The following SLC14A2 variants were observed in gnomAD, a reference collection of about 807,000 sequenced individuals.
The protein encoded by SLC14A2 is solute carrier family 14 member 2.
A neutral mutation model predicts 104.6 loss-of-function variants in SLC14A2; 91 were observed. The observed-to-expected ratio is 0.87, with a 90% CI of 0.73 to 1.04. The LOEUF (loss-of-function observed/expected upper bound fraction) is 1.04. Ranked by LOEUF, SLC14A2 falls within the 50% of genes least tolerant of loss-of-function variation. SLC14A2 has a pLI of 0.00. For synonymous variants in SLC14A2, 476 were observed against 466.4 expected (o/e 1.02, Z -0.27); for missense variants, 1,189 against 1,156.0 (o/e 1.03, Z -0.41).
At chr18:45,187,839 T>C in the SLC14A2 span, among the ~76,000 whole-genome samples, 2 of 152,228 alleles carry the variant, frequency 1.3e-5, no homozygotes, top group African/African-American at 2.4e-5. Context: ...AAAATGTTTA[T>C]CTTTGTGAAA....
At chr18:45,237,616 C>A (rs2084268995) in intron 1 of SLC14A2, among the ~76,000 whole-genome samples, 1 of 152,198 alleles carries the variant, frequency 6.6e-6, no homozygotes, top group Non-Finnish European at 1.5e-5. Context: ...TTGGCTGGTT[C>A]CCATCTAATT....
chr18:45,538,746 A>G (rs2043837014), intron 2 of SLC14A2, among the ~76,000 whole-genome samples: 1 of 152,142 alleles, frequency 6.6e-6, no homozygotes, highest in African/African-American at 2.4e-5. Flanking sequence ...CAGGAAACTG[A>G]ATACCAGCAG....
chr18:45,279,074 AG>A (rs1326743285), intron 1 of SLC14A2, among the ~76,000 whole-genome samples: 2 of 152,216 alleles, frequency 1.3e-5, no homozygotes, highest in African/African-American at 2.4e-5. Flanking sequence ...ATGCTGGCCC[AG>A]GGCCTGGTTC....
chr18:45,505,821 GT>G (rs2043274929), intron 2 of SLC14A2, among the ~76,000 whole-genome samples: 1 of 152,130 alleles, frequency 6.6e-6, no homozygotes, highest in Non-Finnish European at 1.5e-5. Context: ...CCGCCTACAC[GT>G]TTCACAAAGC....
chr18:45,360,009 C>T (rs2085594709), intron 1 of SLC14A2, among the ~76,000 whole-genome samples: 1 of 152,202 alleles, frequency 6.6e-6, no homozygotes, highest in Non-Finnish European at 1.5e-5. Context: ...ATTTCCAGCC[C>T]AGGCCCTGCA....
chr18:45,422,882 T>A (rs186399833), intron 1 of SLC14A2, among the ~76,000 whole-genome samples: 1 of 152,298 alleles, frequency 6.6e-6, no homozygotes, highest in Admixed American at 6.5e-5. Flanking sequence ...CAGTGCGATT[T>A]GTACACTGCT....
chr18:45,327,268 T>A (rs1403696757), intron 1 of SLC14A2, among the ~76,000 whole-genome samples: 1 of 152,186 alleles, frequency 6.6e-6, no homozygotes, highest in East Asian at 1.9e-4. Flanking sequence ...TCTTGAAGAA[T>A]GTGCATTTGG....
the SLC14A2 span, among the ~76,000 whole-genome samples, chr18:45,206,354 G>A: frequency 6.6e-6 from 1 of 151,942 alleles, no homozygotes; most frequent in East Asian, 1.9e-4. Context: ...TGTGACATGA[G>A]GGTATTTGAT....
chr18:45,330,905 T>G (rs2085283531), intron 1 of SLC14A2, among the ~76,000 whole-genome samples: 1 of 152,266 alleles, frequency 6.6e-6, no homozygotes, highest in African/African-American at 2.4e-5. Flanking sequence ...TTTATGTGGT[T>G]GTTGTGAGGA....
At chr18:45,195,275 A>G in the SLC14A2 span, among the ~76,000 whole-genome samples, 1 of 152,266 alleles carries the variant, frequency 6.6e-6, no homozygotes, top group African/African-American at 2.4e-5. Flanking sequence ...TGCTCCAAAA[A>G]ACATCTGGGT....
chr18:45,497,142 A>G (rs909986849), intron 2 of SLC14A2, among the ~76,000 whole-genome samples: 1 of 152,132 alleles, frequency 6.6e-6, no homozygotes, highest in Non-Finnish European at 1.5e-5. Context: ...ATATGTGTAT[A>G]TATACACACA....
chr18:45,645,767 A>T lies in SLC14A2; in HGVS notation c.1351+1607A>T, dbSNP rs150054499. 3.3e-5 allele frequency among the ~76,000 whole-genome samples: 5 copies of T among 152,108 alleles called. No individual in the cohort carries two copies. The East Asian group carries it at 7.7e-4, about 24-fold the overall frequency. Reference sequence around the variant, plus strand: ...TATAGCATAAAAGTAGCCATAGACAACGTGTAAATGAATGAGTATGGCTAT... The same window carrying T: ...TATAGCATAAAAGTAGCCATAGACATCGTGTAAATGAATGAGTATGGCTAT... On this transcript the variant is annotated intron_variant, in intron 10 of 19. Coordinates refer to ENST00000255226, the MANE Select transcript of SLC14A2 (RefSeq NM_007163.4).
At chr18:45,309,444 T>G in intron 1 of SLC14A2, among the ~76,000 whole-genome samples, 1 of 146,344 alleles carries the variant, frequency 6.8e-6, no homozygotes, top group East Asian at 1.9e-4. Context: ...CTTTCCTTGA[T>G]TCCCATTGTA....
intron 1 of SLC14A2, among the ~76,000 whole-genome samples, chr18:45,300,916 G>A (rs1272596513): frequency 6.6e-6 from 1 of 152,210 alleles, no homozygotes. Flanking sequence ...GATAAAGGAG[G>A]CAGATGTGTG....
At chr18:45,500,154 A>T (rs1037994704) in intron 2 of SLC14A2, among the ~76,000 whole-genome samples, 1 of 152,218 alleles carries the variant, frequency 6.6e-6, no homozygotes, top group Admixed American at 6.5e-5. Flanking sequence ...TACAAGAAAG[A>T]TTATCCTTTG....
At position 45,390,933 on chromosome 18, in the gene SLC14A2, TG is replaced by T. The variant is rs562269014; in HGVS notation, c.-124-92299del. Among the ~76,000 whole-genome samples, 6 of 152,380 alleles carry T rather than the reference TG, an allele frequency of 3.9e-5. No individual in the cohort carries two copies. The South Asian group carries it at 1.0e-3, about 26-fold the overall frequency. ...CACTGTAAGTATTTATGATGTTTTA[TG>T]TTTTTTTATTATACTTTAAGTTTTA... is the stretch of plus-strand genomic sequence containing the variant. On this transcript the variant is annotated intron_variant, in intron 1 of 20. Transcript: ENST00000586448.
intron 1 of SLC14A2, among the ~76,000 whole-genome samples, chr18:45,249,248 T>C (rs999161788): frequency 2.0e-5 from 3 of 152,074 alleles, no homozygotes; most frequent in Non-Finnish European, 4.4e-5. Flanking sequence ...TTAAAAACTA[T>C]TATAAAATTT....
At chr18:45,622,984 G>T (rs139753162) in intron 1 of SLC14A2, among the ~76,000 whole-genome samples, 1 of 152,292 alleles carries the variant, frequency 6.6e-6, no homozygotes, top group African/African-American at 2.4e-5. Context: ...GAAAAGTTAG[G>T]CATTTGGGTT....
intron 2 of SLC14A2, among the ~76,000 whole-genome samples, chr18:45,498,749 A>C (rs570793230): frequency 1.9e-4 from 29 of 152,258 alleles, no homozygotes; most frequent in African/African-American, 7.0e-4. Context: ...AAAAAGAGAG[A>C]GAGAACTTTC....
Sources: gnomAD v4.1 joint callset for allele counts (sites outside exome capture counted in the v4.1 genomes callset) on GRCh38, gnomAD v4.1.1 for gene constraint, MANE v1.5 for transcripts, NCBI Gene and HGNC (gene_info 2026-07-23, HGNC 2026-07-21) for gene names.